The following RALGPS2 variants were observed in gnomAD, a reference collection of about 807,000 sequenced individuals.
RALGPS2 encodes the protein ras-specific guanine nucleotide-releasing factor RalGPS2.
A neutral mutation model predicts 86.8 loss-of-function variants in RALGPS2; 43 were observed. The observed-to-expected ratio is 0.50, with a 90% CI of 0.39 to 0.64. RALGPS2 has a LOEUF of 0.64. Among genes scored for constraint, RALGPS2 ranks in the 30% least tolerant of loss-of-function variants. The pLI is 0.00. For synonymous variants in RALGPS2, 243 were observed against 231.3 expected (o/e 1.05, Z -0.46); for missense variants, 536 against 694.6 (o/e 0.77, Z 2.57).
At position 178,758,923 on chromosome 1, in the gene RALGPS2, A is replaced by AT. The variant is rs374663617; in HGVS notation, c.-83-17749dup. ...CCCATTTAAAAAATCAGAGTATTAGATTTTTTTTTTCCTGTAGAGTTGTTT... is the reference window on the plus strand; with the variant it reads ...CCCATTTAAAAAATCAGAGTATTAGATTTTTTTTTTTCCTGTAGAGTTGTTT... On this transcript the variant is annotated intron_variant, in intron 1 of 19. Coordinates refer to ENST00000367635, the MANE Select transcript of RALGPS2 (RefSeq NM_152663.5). Among the ~76,000 whole-genome samples, 644 of 149,856 alleles carry AT rather than the reference A, an allele frequency of 4.3e-3. 6 individuals carry two copies. The highest frequency in any genetic ancestry group is 0.012 in the African/African-American group (504 of 40,868).
chr1:178,876,785 G>A (rs1235442959), intron 8 of RALGPS2, among the ~76,000 whole-genome samples: 1 of 152,094 alleles, frequency 6.6e-6, no homozygotes, highest in Non-Finnish European at 1.5e-5. Context: ...TCATGTTAAG[G>A]ACTAGTACAA....
intron 1 of RALGPS2, among the ~76,000 whole-genome samples, chr1:178,740,266 C>G (rs1236415161): frequency 6.6e-6 from 1 of 152,144 alleles, no homozygotes; most frequent in Non-Finnish European, 1.5e-5. Context: ...TTCTGGCTTG[C>G]CCACAGTTCC....
At chr1:178,748,840 G>T (rs1338304699) in intron 1 of RALGPS2, among the ~76,000 whole-genome samples, 2 of 137,080 alleles carry the variant, frequency 1.5e-5, no homozygotes, top group Non-Finnish European at 3.0e-5. Context: ...GACAGAGTGA[G>T]ACTCTGTCTC....
chr1:178,846,843 T>G (rs1656888216), intron 8 of RALGPS2, among the ~76,000 whole-genome samples: 1 of 152,188 alleles, frequency 6.6e-6, no homozygotes, highest in Non-Finnish European at 1.5e-5. Flanking sequence ...AAGTAATAAT[T>G]TCAGTAACAT....
At chr1:178,835,825 C>G (rs1656246647) in intron 8 of RALGPS2, among the ~76,000 whole-genome samples, 4 of 152,162 alleles carry the variant, frequency 2.6e-5, no homozygotes, top group Admixed American at 2.6e-4. Context: ...CTAGAGAGCT[C>G]CAATTATACC....
chr1:178,801,228 C>T (rs192962655), intron 4 of RALGPS2, among the ~76,000 whole-genome samples: 138 of 152,150 alleles, frequency 9.1e-4, no homozygotes, highest in Non-Finnish European at 1.5e-3. Flanking sequence ...GCCCAGCCTT[C>T]CCAATCTTCT....
chr1:178,755,350 C>T (rs1651898455), intron 1 of RALGPS2, among the ~76,000 whole-genome samples: 1 of 152,098 alleles, frequency 6.6e-6, no homozygotes, highest in Non-Finnish European at 1.5e-5. Flanking sequence ...CCTCACTACT[C>T]CTGCTGGTGG....
chr1:178,757,773 C>T (rs987643294), intron 1 of RALGPS2, among the ~76,000 whole-genome samples: 1 of 151,920 alleles, frequency 6.6e-6, no homozygotes. Flanking sequence ...GTGTTTTTGC[C>T]AGGTTTTGGT....
At chr1:178,798,482 G>T (rs1172889135) in intron 4 of RALGPS2, among the ~76,000 whole-genome samples, 4 of 152,132 alleles carry the variant, frequency 2.6e-5, no homozygotes, top group Non-Finnish European at 5.9e-5. Flanking sequence ...AATACCATTA[G>T]TGGTGGTGGA....
intron 12 of RALGPS2, chr1:178,885,451 A>G: frequency 4.8e-6 from 2 of 417,076 alleles, no homozygotes; most frequent in Non-Finnish European, 4.2e-6. Context: ...AATGAACATT[A>G]CAGAGGGCCA....
intron 8 of RALGPS2, among the ~76,000 whole-genome samples, chr1:178,844,408 T>C (rs943366856): frequency 1.3e-5 from 2 of 152,184 alleles, no homozygotes; most frequent in Middle Eastern, 3.2e-3. Context: ...AAAACTCTTA[T>C]TTTGATACCA....
At chr1:178,791,852 A>G (rs1653970668) in intron 4 of RALGPS2, among the ~76,000 whole-genome samples, 2 of 152,230 alleles carry the variant, frequency 1.3e-5, no homozygotes, top group African/African-American at 4.8e-5. Context: ...CTTACCTACA[A>G]TGTCTGTTGT....
In RALGPS2 at chr1:178,818,718, G is replaced by A. The variant is rs566826369; in HGVS notation, c.388-2894G>A. ...TTTACTTTAGCAAAATCTGCCTGTC[G>A]GAGCCTTCATCTTTGCCTAGCCTTG... is the stretch of plus-strand genomic sequence containing the variant. On this transcript the variant is annotated intron_variant, in intron 6 of 19. Coordinates refer to ENST00000367635, the MANE Select transcript of RALGPS2 (RefSeq NM_152663.5). Among the ~76,000 whole-genome samples the A allele has an allele frequency of 1.3e-4, 20 of 152,260 alleles. No homozygotes were observed. In the South Asian group the frequency reaches 3.7e-3, roughly 28 times the overall value.
chr1:178,774,811 C>T (rs1652996286), intron 1 of RALGPS2, among the ~76,000 whole-genome samples: 1 of 152,272 alleles, frequency 6.6e-6, no homozygotes, highest in South Asian at 2.1e-4. Flanking sequence ...TTAGCAGGTA[C>T]CTAGGCTGTA....
chr1:178,811,499 A>C, intron 6 of RALGPS2, 95 bp downstream of exon 6: 1 of 921,194 alleles, frequency 1.1e-6, no homozygotes, highest in Non-Finnish European at 1.6e-6. Flanking sequence ...CTGTTTATTG[A>C]TACTGGAAAA....
At chr1:178,861,880 AGTT>A (rs1181081430) in intron 8 of RALGPS2, among the ~76,000 whole-genome samples, 6 of 151,492 alleles carry the variant, frequency 4.0e-5, no homozygotes, top group South Asian at 2.1e-4. Context: ...TTGTTGTTGT[AGTT>A]GTTGTTGTTG....
At chr1:178,858,227 A>C (rs1040747138) in intron 8 of RALGPS2, among the ~76,000 whole-genome samples, 1 of 152,146 alleles carries the variant, frequency 6.6e-6, no homozygotes, top group Non-Finnish European at 1.5e-5. Flanking sequence ...TCCAGTGTAT[A>C]TTGTTGATCC....
intron 1 of RALGPS2, among the ~76,000 whole-genome samples, chr1:178,769,229 A>G (rs1652662594): frequency 6.6e-6 from 1 of 151,454 alleles, no homozygotes; most frequent in South Asian, 2.1e-4. Flanking sequence ...GAAGCAGGCA[A>G]GTGAGTGCTT....
At chr1:178,814,179 G>C (rs185194564) in intron 6 of RALGPS2, among the ~76,000 whole-genome samples, 1 of 152,228 alleles carries the variant, frequency 6.6e-6, no homozygotes, top group Non-Finnish European at 1.5e-5. Flanking sequence ...TGTTTAAATT[G>C]AATTATTCCA....
Sources: allele counts gnomAD v4.1 joint callset (sites outside exome capture counted in the v4.1 genomes callset), GRCh38; gene constraint gnomAD v4.1.1; transcripts MANE v1.5; gene names NCBI Gene and HGNC (gene_info 2026-07-23, HGNC 2026-07-21).